Variants in TRAPPC8 observed in about 807,000 individuals in gnomAD.
TRAPPC8 encodes trafficking protein particle complex subunit 8.
TRAPPC8 carries 54 observed loss-of-function variants against 174.3 expected under a neutral mutation model. That is an observed-to-expected ratio of 0.31 (90% CI 0.25 to 0.39). The LOEUF is 0.39. TRAPPC8 is among the 10% of genes least tolerant of loss of function. TRAPPC8 has a pLI of 1.00. For synonymous variants in TRAPPC8, 630 were observed against 579.9 expected, an observed-to-expected ratio of 1.09 and a Z score of -1.24; for missense variants, 1,531 against 1,699.1, an observed-to-expected ratio of 0.90 and a Z score of 1.74.
intron 21 of TRAPPC8, among the ~76,000 whole-genome samples, chr18:31,854,979 A>AAAG (rs2033922364): frequency 6.6e-6 from 1 of 150,416 alleles, no homozygotes; most frequent in African/African-American, 2.4e-5. Flanking sequence ...AAAAAAAAAA[A>AAAG]AAAAAAAAGA....
chr18:31,892,483 A>G (rs1050453936), intron 11 of TRAPPC8, among the ~76,000 whole-genome samples: 1 of 152,140 alleles, frequency 6.6e-6, no homozygotes, highest in East Asian at 1.9e-4. Context: ...ATATTTTGTT[A>G]CTACATAAAA....
chr18:31,886,417 T>C (rs1484403461), intron 12 of TRAPPC8, among the ~76,000 whole-genome samples: 1 of 150,384 alleles, frequency 6.6e-6, no homozygotes, highest in African/African-American at 2.5e-5. Flanking sequence ...TAAAAACTGA[T>C]AGATATAGAA....
rs62093869 is a variant in TRAPPC8, at chr18:31,916,255, C to T, written c.617+17G>A. The T allele has an allele frequency of 0.28, 398,340 of 1,435,948 alleles. 58,528 individuals are homozygous for T. The highest frequency in any genetic ancestry group is 0.51 in the South Asian group (30,210 of 59,450). The allele number at this position is 1,435,948 out of a possible 1,614,324, so 89.0% of individuals were successfully genotyped here. ...TCATTTAACTGGAAAAAATTTAAAA[C>T]TAAAATAAAAACTTACCTCTGTTCA... On this transcript the variant is annotated intron_variant, in intron 4 of 28. Transcript: ENST00000283351.
intron 3 of TRAPPC8, 30 bp from the exon 4 acceptor site, chr18:31,916,476 C>G (rs771728588): frequency 6.4e-7 from 1 of 1,565,954 alleles, no homozygotes; most frequent in African/African-American, 1.4e-5. Context: ...AGGTAATTAT[C>G]GCTTATTACT....
intron 5 of TRAPPC8, among the ~76,000 whole-genome samples, chr18:31,913,135 A>T (rs1356151619): frequency 6.6e-6 from 1 of 152,174 alleles, no homozygotes; most frequent in African/African-American, 2.4e-5. Flanking sequence ...CTCAAAAAAA[A>T]AAAAGAAAAT....
At chr18:31,845,694 G>GA in intron 26 of TRAPPC8, among the ~76,000 whole-genome samples, 1 of 152,206 alleles carries the variant, frequency 6.6e-6, no homozygotes, top group East Asian at 1.9e-4. Flanking sequence ...CACTATTCTT[G>GA]AAAGTTTTCT....
Position 31,913,449 on chromosome 18 carries a change from G to A in TRAPPC8, c.691C>T (p.Arg231Ter). Residue 231 changes from arginine (R) to a stop codon, truncating the protein, a stop_gained, in exon 5 of 29, where the codon CGA becomes TGA. Transcript: ENST00000283351. LOFTEE classifies it high-confidence loss of function. ...QGCYLLKINS[R>*]TSNRASDEQI... The stretch of plus-strand genomic sequence containing the variant: ...TCATCTGATGCTCGATTAGATGTTC[G>A]AGAATTAATTTTAAGTAAATAGCAA... 6.2e-7 allele frequency: 1 copy of A among 1,611,522 alleles called. No homozygotes were observed. The highest frequency in any genetic ancestry group is 8.5e-7 in the Non-Finnish European group (1 of 1,179,352).
chr18:31,855,245 T>A (rs1359504222), intron 21 of TRAPPC8, among the ~76,000 whole-genome samples: 1 of 152,162 alleles, frequency 6.6e-6, no homozygotes, highest in Non-Finnish European at 1.5e-5. Context: ...TGGCAATATT[T>A]CAGAAATTTA....
chr18:31,915,868 C>T (rs1041046230), intron 4 of TRAPPC8, among the ~76,000 whole-genome samples: 4 of 141,608 alleles, frequency 2.8e-5, no homozygotes, highest in Admixed American at 7.7e-5. Flanking sequence ...GCCTGGGCGA[C>T]AGAGTGAGAC....
chr18:31,834,357 G>A (rs940204185), intron 27 of TRAPPC8, among the ~76,000 whole-genome samples: 23 of 152,170 alleles, frequency 1.5e-4, no homozygotes, highest in Admixed American at 5.9e-4. Context: ...AGATCCGCCC[G>A]CCTTGGCCTC....
intron 8 of TRAPPC8, 136 bp from the exon 9 acceptor site, chr18:31,907,746 A>C: frequency 1.5e-6 from 1 of 675,182 alleles, no homozygotes; most frequent in Non-Finnish European, 2.2e-6. Context: ...TCTACCTCCA[A>C]CAAGAGTGTC....
intron 1 of TRAPPC8, chr18:31,939,467 C>T (rs1458674132): frequency 6.6e-6 from 1 of 152,102 alleles, no homozygotes; most frequent in African/African-American, 2.4e-5. Flanking sequence ...TACTCTGTAC[C>T]CCAGTAAGAG....
intron 20 of TRAPPC8, among the ~76,000 whole-genome samples, 200 bp from the exon 21 acceptor site, chr18:31,856,007 A>G (rs2033987427): frequency 1.3e-5 from 2 of 152,210 alleles, no homozygotes; most frequent in Non-Finnish European, 2.9e-5. Flanking sequence ...GAAGGAAACT[A>G]CTAGTCTCCC....
intron 15 of TRAPPC8, 28 bp from the exon 16 acceptor site, chr18:31,870,530 A>G (rs2145194691): frequency 6.3e-7 from 1 of 1,588,318 alleles, no homozygotes; most frequent in East Asian, 2.2e-5. Flanking sequence ...TAAATTAATA[A>G]CTTTAATAAA....
rs2144888846 is a variant in TRAPPC8, at chr18:31,829,314, T to G, written c.*1441A>C. ...CAATTTAATATTCAGCTGAGTGGTT[T>G]AAATATGAGATACCACTGTGATTAT... On this transcript the variant is annotated 3_prime_UTR_variant, in exon 29 of 29. Transcript: ENST00000283351. 1 of 152,304 alleles carries G rather than the reference T, an allele frequency of 6.6e-6. No individual in the cohort carries two copies. The highest frequency in any genetic ancestry group is 2.4e-5 in the African/African-American group (1 of 41,544). The allele number at this position is 152,304 out of a possible 1,614,324, so 9.4% of individuals were successfully genotyped here.
intron 2 of TRAPPC8, among the ~76,000 whole-genome samples, chr18:31,919,459 G>A (rs1023581181): frequency 1.3e-5 from 2 of 151,622 alleles, no homozygotes. Context: ...CTTGAACCCA[G>A]GAGGTGGAGG....
intron 2 of TRAPPC8, among the ~76,000 whole-genome samples, chr18:31,926,877 G>C (rs2037637651): frequency 1.3e-5 from 2 of 152,168 alleles, no homozygotes; most frequent in Non-Finnish European, 2.9e-5. Context: ...GGAAAGGATA[G>C]ACAGTAATTA....
chr18:31,879,069 G>A (rs900609548), intron 12 of TRAPPC8, among the ~76,000 whole-genome samples: 4 of 152,080 alleles, frequency 2.6e-5, no homozygotes, highest in Non-Finnish European at 5.9e-5. Flanking sequence ...ACAGATCATC[G>A]AGGAAGAAAA....
chr18:31,858,308 A>G (rs780457397), intron 19 of TRAPPC8, among the ~76,000 whole-genome samples: 9 of 152,246 alleles, frequency 5.9e-5, no homozygotes, highest in Admixed American at 1.3e-4. Flanking sequence ...TAACACGGCT[A>G]TATGAAGTAA....
Sources: gnomAD v4.1 joint callset for allele counts (sites outside exome capture counted in the v4.1 genomes callset) on GRCh38, gnomAD v4.1.1 for gene constraint, MANE v1.5 for transcripts, NCBI Gene and HGNC (gene_info 2026-07-23, HGNC 2026-07-21) for gene names.